Variants in CDH13 observed in about 807,000 individuals in gnomAD.
CDH13 encodes the protein cadherin 13, also known as cadherin-13.
Under a neutral mutation model 63.8 loss-of-function variants are expected in CDH13, and 24 were observed. The ratio of observed to expected loss-of-function variants is 0.38; its 90% CI spans 0.27 to 0.53. The LOEUF (loss-of-function observed/expected upper bound fraction) is 0.53. Ranked by LOEUF, CDH13 falls within the 20% of genes least tolerant of loss-of-function variation. The pLI, the probability that CDH13 is intolerant of heterozygous loss-of-function variation, is 0.85. For synonymous variants in CDH13, 503 were observed against 355.3 expected, an observed-to-expected ratio of 1.42 and a Z score of -4.67; for missense variants, 1,049 against 903.1, an observed-to-expected ratio of 1.16 and a Z score of -2.07.
chr16:83,145,909 T>G (rs188444014), intron 4 of CDH13, among the ~76,000 whole-genome samples: 5 of 151,952 alleles, frequency 3.3e-5, no homozygotes, highest in African/African-American at 1.2e-4. Flanking sequence ...GAAGCCAGAT[T>G]TGTAACTAAT....
At chr16:82,768,532 G>T (rs1329787682) in intron 1 of CDH13, among the ~76,000 whole-genome samples, 5 of 152,128 alleles carry the variant, frequency 3.3e-5, no homozygotes, top group Non-Finnish European at 5.9e-5. Flanking sequence ...TAATCCTCAT[G>T]GTATAAGGTG....
chr16:82,871,981 A>G (rs1378088757), intron 2 of CDH13, among the ~76,000 whole-genome samples: 5 of 152,214 alleles, frequency 3.3e-5, no homozygotes, highest in Admixed American at 2.0e-4. Flanking sequence ...CTTATCCCTA[A>G]GCCAGTTATT....
intron 1 of CDH13, among the ~76,000 whole-genome samples, chr16:82,818,391 G>T (rs541290725): frequency 3.9e-5 from 6 of 152,136 alleles, no homozygotes; most frequent in African/African-American, 1.4e-4. Flanking sequence ...AGAGAGCAAA[G>T]CAACAACAAG....
chr16:83,054,141 T>C (rs978302181), intron 3 of CDH13, among the ~76,000 whole-genome samples: 7 of 152,208 alleles, frequency 4.6e-5, no homozygotes, highest in African/African-American at 1.7e-4. Flanking sequence ...CTATACCATC[T>C]AGGTTTATAT....
chr16:83,004,564 G>C (rs144832318), intron 2 of CDH13, among the ~76,000 whole-genome samples: 1 of 152,122 alleles, frequency 6.6e-6, no homozygotes, highest in African/African-American at 2.4e-5. Context: ...GAGTGTATTG[G>C]TGTGCTCACT....
chr16:83,588,786 G>T (rs898146098), intron 7 of CDH13, among the ~76,000 whole-genome samples: 2 of 152,234 alleles, frequency 1.3e-5, no homozygotes, highest in Non-Finnish European at 2.9e-5. Context: ...ATTTTCCAGA[G>T]AAATGACAGA....
chr16:83,791,938 A>C (rs1209351292), intron 13 of CDH13, among the ~76,000 whole-genome samples: 3 of 152,156 alleles, frequency 2.0e-5, no homozygotes, highest in Non-Finnish European at 4.4e-5. Context: ...AGTTTGATGC[A>C]TTTTGGTAAG....
chr16:83,661,840 G>C (rs1038736596), intron 8 of CDH13, among the ~76,000 whole-genome samples: 18 of 152,204 alleles, frequency 1.2e-4, no homozygotes, highest in African/African-American at 4.3e-4. Flanking sequence ...AGTGTGCCCT[G>C]AGGGGAAGAG....
At chr16:82,883,711 C>G (rs1430882752) in intron 2 of CDH13, among the ~76,000 whole-genome samples, 3 of 152,194 alleles carry the variant, frequency 2.0e-5, no homozygotes, top group Non-Finnish European at 4.4e-5. Flanking sequence ...AGCTCGTGCC[C>G]AGAATGGAGC....
chr16:82,764,815 CTTTT>C (rs567333858), intron 1 of CDH13, among the ~76,000 whole-genome samples: 2 of 135,278 alleles, frequency 1.5e-5, no homozygotes, highest in Admixed American at 1.5e-4. Flanking sequence ...TTCATTCATT[CTTTT>C]TTTTTTTTTT....
chr16:83,450,962 A>G (rs560784158), intron 6 of CDH13, among the ~76,000 whole-genome samples: 22 of 152,274 alleles, frequency 1.4e-4, no homozygotes, highest in African/African-American at 5.1e-4. Flanking sequence ...AGGGCTTGTG[A>G]AAATCCATAT....
chr16:83,399,508 C>T (rs1183753665), intron 6 of CDH13, among the ~76,000 whole-genome samples: 5 of 152,178 alleles, frequency 3.3e-5, no homozygotes, highest in African/African-American at 7.2e-5. Context: ...TCTCCCATCC[C>T]ACATGGTCTT....
intron 1 of CDH13, chr16:82,829,394 T>G (rs1466599430): frequency 6.6e-6 from 1 of 152,272 alleles, no homozygotes; most frequent in East Asian, 1.9e-4. Context: ...GACTGTTATA[T>G]ACTCTTGGGC....
At chr16:83,105,123 G>A (rs2034701280) in intron 3 of CDH13, among the ~76,000 whole-genome samples, 2 of 152,060 alleles carry the variant, frequency 1.3e-5, no homozygotes, top group South Asian at 2.1e-4. Flanking sequence ...TAGATATGAA[G>A]CCCAGCATGC....
At chr16:83,345,963 A>C (rs1046392110) in intron 6 of CDH13, among the ~76,000 whole-genome samples, 1 of 152,188 alleles carries the variant, frequency 6.6e-6, no homozygotes, top group African/African-American at 2.4e-5. Flanking sequence ...ACATGTAGAT[A>C]CATGAGGCTC....
intron 1 of CDH13, among the ~76,000 whole-genome samples, chr16:82,793,093 C>G (rs185564496): frequency 1.3e-5 from 2 of 152,216 alleles, no homozygotes; most frequent in Non-Finnish European, 2.9e-5. Context: ...CCTCATAGCA[C>G]TAAGGCATTT....
At chr16:83,361,258 T>C (rs2091155769) in intron 6 of CDH13, among the ~76,000 whole-genome samples, 1 of 152,206 alleles carries the variant, frequency 6.6e-6, no homozygotes, top group Non-Finnish European at 1.5e-5. Flanking sequence ...TTCATGCCTT[T>C]GCCCACATTT....
intron 5 of CDH13, among the ~76,000 whole-genome samples, chr16:83,276,428 C>G (rs1331630383): frequency 6.6e-6 from 1 of 152,100 alleles, no homozygotes; most frequent in Non-Finnish European, 1.5e-5. Flanking sequence ...CTCTCAAACA[C>G]CTTTGAGTTG....
intron 2 of CDH13, among the ~76,000 whole-genome samples, chr16:82,876,361 T>C (rs2040502763): frequency 6.6e-6 from 1 of 152,238 alleles, no homozygotes; most frequent in Admixed American, 6.5e-5. Flanking sequence ...GATAATTAAA[T>C]AATCTTTGAA....
Sources: gnomAD v4.1 joint callset for allele counts (sites outside exome capture counted in the v4.1 genomes callset) on GRCh38, gnomAD v4.1.1 for gene constraint, MANE v1.5 for transcripts, NCBI Gene and HGNC (gene_info 2026-07-23, HGNC 2026-07-21) for gene names.